The following CDH13 variants were observed in gnomAD, a reference collection of about 807,000 sequenced individuals.
CDH13 encodes cadherin-13.
CDH13 carries 24 observed loss-of-function variants against 63.8 expected under a neutral mutation model. That is an observed-to-expected ratio of 0.38 (90% CI 0.27 to 0.53). The LOEUF (loss-of-function observed/expected upper bound fraction) is 0.53. Ranked by LOEUF, CDH13 falls within the 20% of genes least tolerant of loss-of-function variation. The pLI is 0.85. For synonymous variants in CDH13, 503 were observed against 355.3 expected (o/e 1.42, Z -4.67); for missense variants, 1,049 against 903.1 (o/e 1.16, Z -2.07).
chr16:83,088,569 G>A (rs964396156), intron 3 of CDH13, among the ~76,000 whole-genome samples: 1 of 152,098 alleles, frequency 6.6e-6, no homozygotes, highest in East Asian at 1.9e-4. Context: ...CCTTCTCTGA[G>A]CCTGGGCCCC....
intron 10 of CDH13, among the ~76,000 whole-genome samples, chr16:83,712,139 A>G (rs1236302421): frequency 6.6e-6 from 1 of 152,206 alleles, no homozygotes; most frequent in African/African-American, 2.4e-5. Flanking sequence ...CCTGTTTAAG[A>G]CAATCATACT....
Position 83,605,014 on chromosome 16 carries a change from A to C in CDH13, c.1101+2420A>C, listed in dbSNP as rs555821328. On this transcript the variant is annotated intron_variant, in intron 8 of 13. Transcript: ENST00000567109. ...ATTCCACAATATCATATTGATTTCA[A>C]AATATCATATTGTAAACACTAAAAG... Among the ~76,000 whole-genome samples the C allele has an allele frequency of 3.3e-5, 5 of 152,374 alleles. No homozygotes were observed. In the South Asian group the frequency reaches 1.0e-3, roughly 32 times the overall value.
intron 8 of CDH13, among the ~76,000 whole-genome samples, chr16:83,651,024 C>A (rs1234027952): frequency 1.3e-5 from 2 of 151,840 alleles, no homozygotes; most frequent in African/African-American, 4.8e-5. Context: ...TCCATTGAGC[C>A]CGGGAGGTCA....
chr16:83,094,359 C>T (rs1002702946), intron 3 of CDH13, among the ~76,000 whole-genome samples: 6 of 152,292 alleles, frequency 3.9e-5, no homozygotes, highest in Admixed American at 3.3e-4. Context: ...ACATTATTTT[C>T]ACGCCTGAAA....
chr16:83,659,698 C>T (rs958324757), intron 8 of CDH13, among the ~76,000 whole-genome samples: 1 of 151,986 alleles, frequency 6.6e-6, no homozygotes, highest in African/African-American at 2.4e-5. Flanking sequence ...AGTCTGATAC[C>T]CTTTTCTCAG....
At chr16:82,897,604 C>G (rs925974999) in intron 2 of CDH13, among the ~76,000 whole-genome samples, 3 of 152,198 alleles carry the variant, frequency 2.0e-5, no homozygotes, top group Admixed American at 6.5e-5. Flanking sequence ...CTTACTCAAC[C>G]AAGCTCAACA....
At chr16:83,667,574 T>A (rs1914110417) in intron 8 of CDH13, among the ~76,000 whole-genome samples, 1 of 152,118 alleles carries the variant, frequency 6.6e-6, no homozygotes, top group Non-Finnish European at 1.5e-5. Context: ...TAGGCACCAT[T>A]ATCACAGTGC....
intron 5 of CDH13, among the ~76,000 whole-genome samples, chr16:83,242,772 A>G (rs892761428): frequency 9.2e-5 from 14 of 152,194 alleles, no homozygotes; most frequent in African/African-American, 2.9e-4. Context: ...CTGCTTCCAG[A>G]TGCAGCAGGA....
chr16:82,992,845 G>A (rs187095287), intron 2 of CDH13, among the ~76,000 whole-genome samples: 1 of 152,304 alleles, frequency 6.6e-6, no homozygotes, highest in African/African-American at 2.4e-5. Flanking sequence ...TTCATGCTGA[G>A]ATGATAATCA....
At chr16:83,687,739 C>A (rs1904451921) in intron 10 of CDH13, among the ~76,000 whole-genome samples, 1 of 152,192 alleles carries the variant, frequency 6.6e-6, no homozygotes. Flanking sequence ...AGCAGGGAGA[C>A]TTTAGAAGGA....
chr16:83,739,968 A>G (rs1036873696), intron 10 of CDH13: 1 of 152,276 alleles, frequency 6.6e-6, no homozygotes, highest in African/African-American at 2.4e-5. Context: ...CAGAGAGACC[A>G]TCCAGAGTGG....
At chr16:83,110,431 T>C (rs2035001343) in intron 3 of CDH13, among the ~76,000 whole-genome samples, 1 of 152,186 alleles carries the variant, frequency 6.6e-6, no homozygotes, top group Non-Finnish European at 1.5e-5. Context: ...TGCCTTGCAA[T>C]GCGGAAGAGC....
At chr16:83,077,650 A>G (rs575210917) in intron 3 of CDH13, among the ~76,000 whole-genome samples, 20 of 152,302 alleles carry the variant, frequency 1.3e-4, no homozygotes, top group African/African-American at 3.4e-4. Context: ...TTTGATTACA[A>G]TGAATAAAAT....
intron 1 of CDH13, among the ~76,000 whole-genome samples, chr16:82,814,522 T>C (rs11643605): frequency 0.61 from 92,432 of 151,942 alleles, 28,657 homozygotes; most frequent in African/African-American, 0.72. Flanking sequence ...TTAAAGGGCT[T>C]CCAGGTTGCT....
Position 83,203,900 on chromosome 16 carries a change from C to T in CDH13, c.484-13445C>T, listed in dbSNP as rs557181821. Among the ~76,000 whole-genome samples the T allele has an allele frequency of 2.6e-5, 4 of 152,170 alleles. No individual in the cohort carries two copies. In the East Asian group the frequency reaches 7.7e-4, roughly 29 times the overall value. On this transcript the variant is annotated intron_variant, in intron 4 of 13. Transcript: ENST00000567109. The stretch of plus-strand genomic sequence containing the variant: ...GTCCTTTTAGATGGCAGAATGCACA[C>T]AAAACCCTTCAAATTACACCATTAT...
chr16:83,789,658 C>G (rs114996600), intron 13 of CDH13, among the ~76,000 whole-genome samples: 1 of 151,820 alleles, frequency 6.6e-6, no homozygotes, highest in African/African-American at 2.4e-5. Flanking sequence ...CTGAAATTAG[C>G]TATTAAAGTA....
chr16:82,962,985 A>G (rs1330700971), intron 2 of CDH13, among the ~76,000 whole-genome samples: 2 of 152,192 alleles, frequency 1.3e-5, no homozygotes, highest in Non-Finnish European at 2.9e-5. Flanking sequence ...CTTTTGTAAA[A>G]GTTATTTGTA....
chr16:83,101,244 T>C (rs950645150), intron 3 of CDH13, among the ~76,000 whole-genome samples: 15 of 150,612 alleles, frequency 1.0e-4, no homozygotes, highest in African/African-American at 3.4e-4. Context: ...CTATATACTA[T>C]AAGTATATAT....
chr16:82,690,052 C>G (rs1490754716), intron 1 of CDH13, among the ~76,000 whole-genome samples: 1 of 125,422 alleles, frequency 8.0e-6, no homozygotes, highest in South Asian at 2.9e-4. Flanking sequence ...CCTGTAATCT[C>G]AGCTACTTGG....
Sources: gnomAD v4.1 joint callset for allele counts (sites outside exome capture counted in the v4.1 genomes callset) on GRCh38, gnomAD v4.1.1 for gene constraint, MANE v1.5 for transcripts, NCBI Gene and HGNC (gene_info 2026-07-23, HGNC 2026-07-21) for gene names.